The following CEP43 variants were observed in gnomAD, a reference collection of about 807,000 sequenced individuals.
CEP43 encodes centrosomal protein 43, also known as FGFR1 oncogene partner.
A neutral mutation model predicts 52.6 loss-of-function variants in CEP43; 36 were observed. That is an observed-to-expected ratio of 0.68 (90% CI 0.52 to 0.90). The LOEUF is 0.90. Among genes scored for constraint, CEP43 ranks in the 40% least tolerant of loss-of-function variants. The pLI is 0.00. For synonymous variants in CEP43, 192 were observed against 172.4 expected, an observed-to-expected ratio of 1.11 and a Z score of -0.89; for missense variants, 506 against 472.8, an observed-to-expected ratio of 1.07 and a Z score of -0.65.
chr6:167,016,511 C>G (rs1780103029), intron 7 of CEP43, among the ~76,000 whole-genome samples: 1 of 152,226 alleles, frequency 6.6e-6, no homozygotes, highest in Non-Finnish European at 1.5e-5. Flanking sequence ...ATCCTCCTGC[C>G]TCGGCCTCCC....
chr6:167,000,477 T>C (rs1047845121), intron 2 of CEP43, among the ~76,000 whole-genome samples: 1 of 152,216 alleles, frequency 6.6e-6, no homozygotes, highest in Non-Finnish European at 1.5e-5. Context: ...GTATGCAACT[T>C]TTCCCAAAAT....
intron 7 of CEP43, among the ~76,000 whole-genome samples, chr6:167,014,498 A>G (rs1449349200): frequency 2.6e-5 from 4 of 152,262 alleles, no homozygotes; most frequent in Admixed American, 6.5e-5. Flanking sequence ...TGTACTTAGG[A>G]TAAGACAAAA....
intron 8 of CEP43, 34 bp from the exon 9 acceptor site, chr6:167,024,748 A>G: frequency 6.9e-7 from 1 of 1,459,580 alleles, no homozygotes; most frequent in South Asian, 1.2e-5. Flanking sequence ...GCAGAACATA[A>G]GAGCACCGAT....
chr6:167,036,639 C>G (rs913165418), intron 12 of CEP43: 2 of 985,222 alleles, frequency 2.0e-6, no homozygotes, highest in Admixed American at 1.2e-4. Context: ...ATGAAGCTTG[C>G]TATCACAGGG....
chr6:167,004,281 T>C lies in CEP43; in HGVS notation c.318T>C (p.Gly106=). The part of the protein sequence containing the change: ...PETSTLQGLE[G]RENLARDLGI... ...TTTTCTAGCTGCAAGGTCTCGAAGGTCGAGAGAATTTAGCCCGAGATTTAG... is the reference window on the plus strand; with the variant it reads ...TTTTCTAGCTGCAAGGTCTCGAAGGCCGAGAGAATTTAGCCCGAGATTTAG... The change falls in exon 5 of 13, where the codon GGT becomes GGC. Residue 106 remains glycine (G), a synonymous_variant. Transcript: ENST00000366847. 1 of 1,606,506 alleles carries C rather than the reference T, an allele frequency of 6.2e-7. No individual in the cohort carries two copies.
intron 12 of CEP43, 54 bp from the exon 13 acceptor site, chr6:167,039,850 T>C: frequency 6.3e-7 from 1 of 1,594,602 alleles, no homozygotes. Context: ...TAAAATAACT[T>C]AAGACTACTC....
chr6:167,017,338 A>G (rs1370991828), intron 7 of CEP43, among the ~76,000 whole-genome samples: 1 of 152,192 alleles, frequency 6.6e-6, no homozygotes, highest in East Asian at 1.9e-4. Context: ...AACTGTCTAC[A>G]TAGCATTACA....
At chr6:167,008,913 A>G (rs1228341178) in intron 5 of CEP43, among the ~76,000 whole-genome samples, 1 of 152,208 alleles carries the variant, frequency 6.6e-6, no homozygotes, top group Non-Finnish European at 1.5e-5. Flanking sequence ...AGTGAAACAC[A>G]TAAGAAGGCA....
At chr6:166,999,687 G>A in intron 1 of CEP43, 173 bp downstream of exon 1, 1 of 484,202 alleles carries the variant, frequency 2.1e-6, no homozygotes, top group Non-Finnish European at 3.5e-6. Flanking sequence ...AGAGGGGGTC[G>A]GCTCGTTCGT....
rs1303190350 is a variant in CEP43 at position 167,046,700 on chromosome 6, C to T, written c.*6722C>T. 6.6e-6 allele frequency: 1 copy of T among 152,286 alleles called. No homozygotes were observed. Among genetic ancestry groups the T allele is most frequent in the Admixed American group, 6.5e-5 (1 of 15,296 alleles). 9.4% of individuals were successfully genotyped at this position (152,286 alleles called of 1,614,324 possible). On this transcript the variant is annotated 3_prime_UTR_variant, in exon 13 of 13. Transcript: ENST00000366847. ...TGGCTGCTGTGGGCATTCTCATGGC[C>T]TCTCCAGGGATGGCCTCCACTGTAG...
rs991859032 is a variant in CEP43 at position 167,040,665 on chromosome 6, C to T, written c.*687C>T. On this transcript the variant is annotated 3_prime_UTR_variant, in exon 13 of 13. Transcript: ENST00000366847. Reference sequence around the variant, plus strand: ...TCAATAACATAACATTTGCAATCGTCATTCCTCCTGTTATCCATGTAAGCA... The same window carrying T: ...TCAATAACATAACATTTGCAATCGTTATTCCTCCTGTTATCCATGTAAGCA... The T allele has an allele frequency of 4.9e-6, 5 of 1,022,632 alleles. No homozygotes were observed. Among genetic ancestry groups the T allele is most frequent in the Non-Finnish European group, 4.7e-6 (4 of 849,476 alleles). 63.3% of individuals were successfully genotyped at this position (1,022,632 alleles called of 1,614,324 possible). A position where few individuals can be genotyped will look rare whatever the true frequency, so the allele number is the denominator to read the frequency against.
intron 5 of CEP43, among the ~76,000 whole-genome samples, chr6:167,010,305 C>CAGG (rs1489941432): frequency 6.6e-6 from 1 of 152,048 alleles, no homozygotes; most frequent in African/African-American, 2.4e-5. Context: ...TGGGCTAGAA[C>CAGG]AGGTACTTAC....
intron 7 of CEP43, among the ~76,000 whole-genome samples, chr6:167,015,837 G>A (rs769078819): frequency 5.3e-5 from 8 of 152,064 alleles, no homozygotes; most frequent in Admixed American, 2.6e-4. Context: ...GGGCAAAACT[G>A]AAGTTCTTAT....
Position 167,004,103 on chromosome 6 carries a change from A to G in CEP43, c.301-161A>G, listed in dbSNP as rs1583267360. The G allele has an allele frequency of 2.9e-5, 22 of 767,360 alleles. No individual in the cohort carries two copies. In the East Asian group the frequency reaches 5.9e-4, roughly 20 times the overall value. The allele number at this position is 767,360 out of a possible 1,614,324, so 47.5% of individuals were successfully genotyped here. ...GAAACGTTGAAGGTAGAGGCTCTGT[A>G]AAAGAAATAGGCATAATTTTTTAAA... On this transcript the variant is annotated intron_variant, in intron 4 of 12. Transcript: ENST00000366847.
At position 167,040,988 on chromosome 6, in the gene CEP43, A is replaced by C. The variant is rs1164400172; in HGVS notation, c.*1010A>C. The stretch of plus-strand genomic sequence containing the variant: ...TATTATGTAGGTCACGGATGTTTAT[A>C]ATACTAAAGTATTTTAAAATGTGCA... On this transcript the variant is annotated 3_prime_UTR_variant, in exon 13 of 13. Transcript: ENST00000366847. 9.8e-7 allele frequency: 1 copy of C among 1,025,532 alleles called. No individual in the cohort carries two copies. Among genetic ancestry groups the C allele is most frequent in the East Asian group, 6.3e-5 (1 of 15,964 alleles). The allele number at this position is 1,025,532 out of a possible 1,614,324, so 63.5% of individuals were successfully genotyped here. A position where few individuals can be genotyped will look rare whatever the true frequency, so the allele number is the denominator to read the frequency against.
chr6:167,041,582 C>T lies in CEP43; in HGVS notation c.*1604C>T, dbSNP rs1273629945. On this transcript the variant is annotated 3_prime_UTR_variant, in exon 13 of 13. Transcript: ENST00000366847. Reference sequence around the variant, plus strand: ...TTTCTAAAAGCACTATAGTTCTGGTCCCCTGGAATCTGGATCACATGTATG... The same window carrying T: ...TTTCTAAAAGCACTATAGTTCTGGTTCCCTGGAATCTGGATCACATGTATG... 9.5e-7 allele frequency: 1 copy of T among 1,047,938 alleles called. No homozygotes were observed. The highest frequency in any genetic ancestry group is 1.7e-5 in the African/African-American group (1 of 60,048). The allele number at this position is 1,047,938 out of a possible 1,614,324, so 64.9% of individuals were successfully genotyped here. A position where few individuals can be genotyped will look rare whatever the true frequency, so the allele number is the denominator to read the frequency against.
At chr6:167,039,355 C>T (rs950014892) in intron 12 of CEP43, among the ~76,000 whole-genome samples, 19 of 152,282 alleles carry the variant, frequency 1.2e-4, no homozygotes, top group Admixed American at 4.6e-4. Flanking sequence ...TCTTGAACTC[C>T]TGACCTCAGG....
chr6:167,000,003 C>T (rs200495785), intron 1 of CEP43, 57 bp from the exon 2 acceptor site: 16 of 1,448,222 alleles, frequency 1.1e-5, no homozygotes, highest in Admixed American at 1.7e-5. Context: ...TAAATGTGAG[C>T]TTGTTGTGAA....
rs1363016142 is a variant in CEP43, at chr6:167,026,559, A to G, written c.932A>G (p.Asn311Ser). 2.5e-6 allele frequency: 4 copies of G among 1,589,134 alleles called. No individual in the cohort carries two copies. Among genetic ancestry groups the G allele is most frequent in the Admixed American group, 3.3e-5 (2 of 59,980 alleles). ...CTCCTGTTCACAGGTAAAAGGGGAA[A>G]TACAGTTTTGAAAGATCTGAAATTG... is the stretch of plus-strand genomic sequence containing the variant. The part of the protein sequence containing the change: ...SLKDSESKRG[N>S]TVLKDLKLIS... Residue 311 changes from asparagine to serine, a missense_variant, in exon 10 of 13, where the codon AAT (asparagine) becomes AGT (serine). By Grantham distance (46) the Asn-to-Ser change is conservative. Transcript: ENST00000366847.
Sources: allele counts gnomAD v4.1 joint callset (sites outside exome capture counted in the v4.1 genomes callset), GRCh38; gene constraint gnomAD v4.1.1; transcripts MANE v1.5; gene names NCBI Gene and HGNC (gene_info 2026-07-23, HGNC 2026-07-21).